Variants in NEB observed in about 807,000 individuals in gnomAD.
NEB encodes nebulin, also known as nemaline myopathy type 2.
In NEB, 512 loss-of-function variants were observed where a neutral mutation model predicts 952.2. The ratio of observed to expected loss-of-function variants is 0.54; its 90% confidence interval spans 0.50 to 0.58. The LOEUF (loss-of-function observed/expected upper bound fraction) is 0.58, where lower values mean the gene tolerates loss of function less well. NEB is among the 20% of genes least tolerant of loss of function. The probability of loss-of-function intolerance (pLI) is 0.00; values close to 1 mark genes in which losing one functional copy is unlikely to be tolerated. For synonymous variants in NEB, 2,900 were observed against 3,149.8 expected, an observed-to-expected ratio of 0.92 and a Z score of 2.66; for missense variants, 8,428 against 9,231.1, an observed-to-expected ratio of 0.91 and a Z score of 3.56.
At position 151,625,497 on chromosome 2, in the gene NEB, T is replaced by A. The variant is rs370748336; in HGVS notation, c.10452+37A>T. On this transcript the variant is annotated intron_variant, in intron 71 of 181. Coordinates refer to ENST00000397345, the MANE Select transcript of NEB (RefSeq NM_001164508.2). ...ACATTCCTACATCGGCAACAATCAA[T>A]GTGGCCAGACCAAAGAAATAAAACA... 10 of 1,443,330 alleles carry A rather than the reference T, an allele frequency of 6.9e-6. No individual in the cohort carries two copies. In the Admixed American group the frequency reaches 1.7e-4, roughly 25 times the overall value. 89.4% of individuals were successfully genotyped at this position (1,443,330 alleles called of 1,614,324 possible). A position where few individuals can be genotyped will look rare whatever the true frequency, so the allele number is the denominator to read the frequency against.
chr2:151,681,019 G>T (rs1329490651), intron 29 of NEB, among the ~76,000 whole-genome samples, 191 bp from the exon 30 acceptor site: 3 of 152,152 alleles, frequency 2.0e-5, no homozygotes, highest in Non-Finnish European at 4.4e-5. Flanking sequence ...CCATTTAATT[G>T]TGGATAGTTT....
intron 71 of NEB, among the ~76,000 whole-genome samples, chr2:151,623,165 T>C (rs1194563491): frequency 1.3e-5 from 2 of 152,226 alleles, no homozygotes; most frequent in Non-Finnish European, 2.9e-5. Context: ...ATACAGCCTT[T>C]AGATCAATCT....
intron 107 of NEB, among the ~76,000 whole-genome samples, chr2:151,571,232 T>C (rs1416973680): frequency 6.6e-6 from 1 of 152,230 alleles, no homozygotes; most frequent in Non-Finnish European, 1.5e-5. Context: ...CTCAAACTCC[T>C]GACCCTCAGG....
intron 125 of NEB, among the ~76,000 whole-genome samples, chr2:151,554,297 ACACCTGTAATCCCAG>A (rs760970962): frequency 2.0e-4 from 31 of 152,176 alleles, no homozygotes; most frequent in Non-Finnish European, 4.1e-4. Context: ...ATGATAACTC[ACACCTGTAATCCCAG>A]CACTATGGGA....
intron 181 of NEB, among the ~76,000 whole-genome samples, chr2:151,488,839 C>A (rs575150573): frequency 7.9e-5 from 12 of 152,094 alleles, no homozygotes; most frequent in Admixed American, 7.9e-4. Flanking sequence ...ATTTATAATT[C>A]TTTTAGGGTC....
chr2:151,680,103 A>G (rs2099403265), intron 30 of NEB, 81 bp from the exon 31 acceptor site: 1 of 1,038,420 alleles, frequency 9.6e-7, no homozygotes. Flanking sequence ...TTCCTAATGG[A>G]TCATATTTCA....
Position 151,561,754 on chromosome 2 carries a change from C to T in NEB, c.18996+356G>A, listed in dbSNP as rs117821421. On this transcript the variant is annotated intron_variant, in intron 121 of 181. Transcript: ENST00000397345. ...GCTGAAAAGTTTTCCAGATACTGAT[C>T]TTTTTCCTCCAAAACTTATCTACCT... Among the ~76,000 whole-genome samples the T allele has an allele frequency of 4.8e-3, 726 of 152,210 alleles. 11 individuals are homozygous for T. The highest frequency in any genetic ancestry group is 0.045 in the East Asian group (235 of 5,178).
chr2:151,734,101 A>C (rs2099815730), intron 1 of NEB, among the ~76,000 whole-genome samples: 2 of 152,240 alleles, frequency 1.3e-5, no homozygotes, highest in Non-Finnish European at 1.5e-5. Context: ...AGAGCAGCGT[A>C]TCTTCTTTTT....
At chr2:151,565,425 A>C (rs2096314945) in intron 116 of NEB, 76 bp downstream of exon 116, 1 of 1,040,130 alleles carries the variant, frequency 9.6e-7, no homozygotes, top group Non-Finnish European at 1.5e-6. Flanking sequence ...AATTATCTAA[A>C]GTTAAGCTAA....
At chr2:151,684,683 T>C in intron 28 of NEB, 95 bp downstream of exon 28, 7 of 1,191,456 alleles carry the variant, frequency 5.9e-6, no homozygotes, top group South Asian at 1.7e-5. Flanking sequence ...ACAATGCAGA[T>C]ACCTCTAAGA....
rs183198565 is a variant in NEB, at chr2:151,722,832, A to G, written c.717+550T>C. ...CCAAACTGCTGGGATTACAGGGGTGAGTCACCACATCCAGCCACAAATATG... is the reference window on the plus strand; with the variant it reads ...CCAAACTGCTGGGATTACAGGGGTGGGTCACCACATCCAGCCACAAATATG... On this transcript the variant is annotated intron_variant, in intron 9 of 181. Coordinates refer to ENST00000397345, the MANE Select transcript of NEB (RefSeq NM_001164508.2). Among the ~76,000 whole-genome samples, 118 of 152,280 alleles carry G rather than the reference A, an allele frequency of 7.7e-4. 1 individual carries two copies. The highest frequency in any genetic ancestry group is 2.6e-3 in the African/African-American group (109 of 41,562).
intron 164 of NEB, 55 bp downstream of exon 164, chr2:151,506,111 G>T: frequency 7.0e-7 from 1 of 1,437,852 alleles, no homozygotes; most frequent in Non-Finnish European, 9.8e-7. Flanking sequence ...ATAGGTCATT[G>T]TAAATTATCA....
chr2:151,486,982 GA>G (rs968852196), intron 181 of NEB, among the ~76,000 whole-genome samples: 7 of 152,098 alleles, frequency 4.6e-5, no homozygotes, highest in Admixed American at 1.3e-4. Flanking sequence ...GAGATGGTTG[GA>G]AAAAAAGCTT....
Position 151,548,410 on chromosome 2 carries a change from C to G in NEB, c.20055G>C (p.Lys6685Asn). 1 of 1,610,184 alleles carries G rather than the reference C, an allele frequency of 6.2e-7. No individual in the cohort carries two copies. The highest frequency in any genetic ancestry group is 8.5e-7 in the Non-Finnish European group (1 of 1,176,538). Reference protein sequence around the residue: ...KDTRYMSSYFKYKEAYEHTKA... With the variant: ...KDTRYMSSYFNYKEAYEHTKA... Reference sequence around the variant, plus strand: ...TGGTGTGTTCATAGGCTTCTTTGTACTTGAACTGCAAAAGCAAAGTCAGAA... The same window carrying G: ...TGGTGTGTTCATAGGCTTCTTTGTAGTTGAACTGCAAAAGCAAAGTCAGAA... Residue 6685 changes from lysine (K) to asparagine (N), a missense_variant, in exon 131 of 182, where the codon AAG (lysine) becomes AAC (asparagine). Lys to Asn is a moderately conservative substitution (Grantham distance 94). This residue lies in a region of NEB where 3,374 missense variants were observed against 3,651.5 expected (regional missense o/e 0.92). Transcript: ENST00000397345.
intron 4 of NEB, among the ~76,000 whole-genome samples, chr2:151,729,094 A>C (rs1247279334): frequency 6.6e-6 from 1 of 152,140 alleles, no homozygotes; most frequent in African/African-American, 2.4e-5. Flanking sequence ...TGAACGTGGA[A>C]TATTTATGGT....
At chr2:151,560,076 GGTTT>G (rs1486868474) in intron 124 of NEB, among the ~76,000 whole-genome samples, 2 of 152,028 alleles carry the variant, frequency 1.3e-5, no homozygotes, top group Non-Finnish European at 2.9e-5. Flanking sequence ...TGAGATTTAG[GGTTT>G]GTTTGTTTTA....
intron 72 of NEB, among the ~76,000 whole-genome samples, chr2:151,620,315 G>C (rs1306531389): frequency 8.6e-6 from 1 of 115,998 alleles, no homozygotes; most frequent in Non-Finnish European, 1.7e-5. Flanking sequence ...GGTTAAGATG[G>C]TAAATTTTAT....
In NEB at chr2:151,516,389, T is replaced by C. The variant is rs2077714824; in HGVS notation, c.22905+70A>G. On this transcript the variant is annotated intron_variant, in intron 157 of 181. Coordinates refer to ENST00000397345, the MANE Select transcript of NEB (RefSeq NM_001164508.2). ...CTTTTGGATGACAGGAAACTGGCCA[T>C]GTCATGGGCAGAGCTTGTGTTCAGT... 7 of 1,050,308 alleles carry C rather than the reference T, an allele frequency of 6.7e-6. No individual in the cohort carries two copies. The South Asian group carries it at 7.6e-5, about 11-fold the overall frequency. The allele number at this position is 1,050,308 out of a possible 1,614,324, so 65.1% of individuals were successfully genotyped here.
At chr2:151,706,124 C>T (rs906103677) in intron 13 of NEB, among the ~76,000 whole-genome samples, 43 of 152,296 alleles carry the variant, frequency 2.8e-4, no homozygotes, top group African/African-American at 9.4e-4. Context: ...CCCAGCAGAG[C>T]TATTTGGGCA....
Sources: gnomAD v4.1 joint callset for allele counts (sites outside exome capture counted in the v4.1 genomes callset) on GRCh38, gnomAD v4.1.1 for gene constraint, gnomAD v4.1.1 regional missense constraint, MANE v1.5 for transcripts, NCBI Gene and HGNC (gene_info 2026-07-23, HGNC 2026-07-21) for gene names.